Variants in TDRD3 observed in about 807,000 individuals in gnomAD.
The protein encoded by TDRD3 is tudor domain containing 3.
A neutral mutation model predicts 86.7 loss-of-function variants in TDRD3; 45 were observed. The ratio of observed to expected loss-of-function variants is 0.52; its 90% CI spans 0.41 to 0.67. The LOEUF (loss-of-function observed/expected upper bound fraction) is 0.67, where lower values mean the gene tolerates loss of function less well. Ranked by LOEUF, TDRD3 falls within the 30% of genes least tolerant of loss-of-function variation. The pLI is 0.00. For synonymous variants in TDRD3, 298 were observed against 301.7 expected (o/e 0.99, Z 0.13); for missense variants, 814 against 889.0 (o/e 0.92, Z 1.07).
chr13:60,396,027 C>A (rs1251628879), upstream of TDRD3, among the ~76,000 whole-genome samples: 1 of 152,132 alleles, frequency 6.6e-6, no homozygotes, highest in Admixed American at 6.5e-5. Flanking sequence ...TGAGAAAAAT[C>A]TGTATTAAGG....
intron 8 of TDRD3, among the ~76,000 whole-genome samples, chr13:60,505,802 T>A (rs2137630915): frequency 6.6e-6 from 1 of 151,860 alleles, no homozygotes; most frequent in East Asian, 1.9e-4. Context: ...ATCAACTTAA[T>A]GAAATAAAGT....
intron 1 of TDRD3, among the ~76,000 whole-genome samples, chr13:60,423,692 T>C (rs1275598696): frequency 6.6e-6 from 1 of 152,096 alleles, no homozygotes; most frequent in African/African-American, 2.4e-5. Context: ...AAAAAGTATT[T>C]TAAAAAATTG....
chr13:60,463,686 A>G (rs888765531), intron 4 of TDRD3, among the ~76,000 whole-genome samples: 11 of 152,186 alleles, frequency 7.2e-5, no homozygotes, highest in African/African-American at 2.7e-4. Flanking sequence ...AAAAAATCCA[A>G]TTAAAAATTG....
chr13:60,433,798 G>A (rs571203544), intron 1 of TDRD3, among the ~76,000 whole-genome samples: 33 of 152,332 alleles, frequency 2.2e-4, no homozygotes, highest in African/African-American at 7.7e-4. Flanking sequence ...TCAGTCAGCT[G>A]ATGTGTAGTT....
chr13:60,495,040 G>A (rs1354144029), intron 8 of TDRD3, among the ~76,000 whole-genome samples: 5 of 152,074 alleles, frequency 3.3e-5, no homozygotes, highest in Admixed American at 3.3e-4. Context: ...CATATTTCTG[G>A]CATGCTGTAG....
intron 5 of TDRD3, among the ~76,000 whole-genome samples, chr13:60,471,606 A>C (rs1377547305): frequency 6.6e-6 from 1 of 151,998 alleles, no homozygotes; most frequent in Non-Finnish European, 1.5e-5. Context: ...CTCAGTATTG[A>C]TATCTTAACA....
chr13:60,526,254 C>A lies in TDRD3; in HGVS notation c.1142-2113C>A, dbSNP rs547642914. 2.2e-4 allele frequency among the ~76,000 whole-genome samples: 33 copies of A among 152,294 alleles called. 1 individual carries two copies. The South Asian group carries it at 6.8e-3, about 32-fold the overall frequency. ...CTATACAAGGGACCTTAGTTTACCT[C>A]TCTCTGTTAAGCCTCATAACACCTG... On this transcript the variant is annotated intron_variant, in intron 10 of 13. Coordinates refer to ENST00000377881, the MANE Select transcript of TDRD3 (RefSeq NM_001146070.2).
intron 1 of TDRD3, among the ~76,000 whole-genome samples, chr13:60,436,211 C>G (rs1283082712): frequency 2.0e-5 from 3 of 150,396 alleles, no homozygotes; most frequent in Non-Finnish European, 4.4e-5. Flanking sequence ...TGTGGGTTGT[C>G]TGTTTACTCT....
intron 5 of TDRD3, among the ~76,000 whole-genome samples, chr13:60,481,204 T>C (rs1398694455): frequency 2.6e-5 from 4 of 152,198 alleles, no homozygotes; most frequent in African/African-American, 7.2e-5. Context: ...TTAATTATGA[T>C]GTACCTAACA....
rs111251861 is a variant in TDRD3 at position 60,460,743 on chromosome 13, G to T, written c.353+203G>T. Reference sequence around the variant, plus strand: ...TATATGGCCAGGCGTGGTGGCTCAAGCCTGTAATCCCAGCACTTTGGGAGG... The same window carrying T: ...TATATGGCCAGGCGTGGTGGCTCAATCCTGTAATCCCAGCACTTTGGGAGG... On this transcript the variant is annotated intron_variant, in intron 4 of 13. Transcript: ENST00000377881. The T allele has an allele frequency of 9.1e-5, 38 of 418,024 alleles. 2 individuals are homozygous for T. Among genetic ancestry groups the T allele is most frequent in the African/African-American group, 6.8e-4 (32 of 47,202 alleles). 25.9% of individuals were successfully genotyped at this position (418,024 alleles called of 1,614,324 possible). A position where few individuals can be genotyped will look rare whatever the true frequency, so the allele number is the denominator to read the frequency against.
intron 4 of TDRD3, among the ~76,000 whole-genome samples, chr13:60,462,359 C>T (rs138268747): frequency 6.6e-6 from 1 of 152,300 alleles, no homozygotes; most frequent in East Asian, 1.9e-4. Context: ...ACTGTCATCC[C>T]TTGTTGAATT....
In TDRD3 at chr13:60,510,667, T is replaced by A; in HGVS notation, c.1053T>A (p.Asp351Glu). 1.9e-6 allele frequency: 3 copies of A among 1,605,108 alleles called. No individual in the cohort carries two copies. The highest frequency in any genetic ancestry group is 2.6e-6 in the Non-Finnish European group (3 of 1,175,762). Residue 351 changes from aspartate to glutamate, a missense_variant, in exon 10 of 14, where the codon GAT becomes GAA. Transcript: ENST00000377881. Reference protein sequence around the residue: ...GKGRGRIRSEDEEDLGNARPS... With the variant: ...GKGRGRIRSEEEEDLGNARPS... Reference sequence around the variant, plus strand: ...GCAGGGGGCGAATAAGATCTGAAGATGAAGAGGACCTGGGAAATGCAAGGC... The same window carrying A: ...GCAGGGGGCGAATAAGATCTGAAGAAGAAGAGGACCTGGGAAATGCAAGGC...
chr13:60,535,786 C>G (rs1173800368), intron 12 of TDRD3: 1 of 152,094 alleles, frequency 6.6e-6, no homozygotes, highest in Non-Finnish European at 1.5e-5. Context: ...TATGTCAAAG[C>G]TGTGTGATAA....
At chr13:60,445,508 T>C (rs1676359581) in intron 3 of TDRD3, among the ~76,000 whole-genome samples, 2 of 152,168 alleles carry the variant, frequency 1.3e-5, no homozygotes, top group South Asian at 4.1e-4. Flanking sequence ...CATTTCTTTT[T>C]CTTTTGGTTA....
Position 60,485,825 on chromosome 13 carries a change from T to C in TDRD3, c.594T>C (p.Asp198=). Residue 198 remains aspartate (D), a synonymous_variant, in exon 7 of 14, where the codon GAT becomes GAC. Transcript: ENST00000377881. ...GQKCVSHVQV[D]SRELDRRKTL... ...AGTGTGTATCTCATGTCCAAGTGGA[T>C]AGCAGAGAACTTGATCGAAGAAAAA... is the stretch of plus-strand genomic sequence containing the variant. 6.2e-7 allele frequency: 1 copy of C among 1,606,826 alleles called. No individual in the cohort carries two copies. Among genetic ancestry groups the C allele is most frequent in the Non-Finnish European group, 8.5e-7 (1 of 1,176,960 alleles).
At chr13:60,420,830 G>A (rs1426549587) in intron 1 of TDRD3, among the ~76,000 whole-genome samples, 1 of 152,146 alleles carries the variant, frequency 6.6e-6, no homozygotes, top group Non-Finnish European at 1.5e-5. Flanking sequence ...TGTAGTCCCA[G>A]CTACTCGGGA....
chr13:60,443,025 G>A (rs775657514), intron 2 of TDRD3, among the ~76,000 whole-genome samples: 11 of 151,814 alleles, frequency 7.2e-5, no homozygotes, highest in Non-Finnish European at 1.3e-4. Context: ...AAATATTTCA[G>A]CTTTTGGGTG....
intron 12 of TDRD3, among the ~76,000 whole-genome samples, chr13:60,555,853 T>C (rs981550307): frequency 2.3e-5 from 3 of 129,912 alleles, no homozygotes; most frequent in Admixed American, 7.5e-5. Context: ...TATTTCTTTC[T>C]TTTTTTTTTT....
rs2137808096 is a variant in TDRD3 at position 60,405,543 on chromosome 13, A to G, written c.41+8138A>G. Among the ~76,000 whole-genome samples, 3 of 152,218 alleles carry G rather than the reference A, an allele frequency of 2.0e-5. No individual in the cohort carries two copies. In the Middle Eastern group the frequency reaches 0.01, roughly 518 times the overall value. ...CCTGAGATCTGGAGAATGAGTGGTA[A>G]CTGACTAAGTGAGGGGAGCACAGCA... On this transcript the variant is annotated intron_variant, in intron 1 of 13. Transcript: ENST00000377881.
Sources: gnomAD v4.1 joint callset for allele counts (sites outside exome capture counted in the v4.1 genomes callset) on GRCh38, gnomAD v4.1.1 for gene constraint, MANE v1.5 for transcripts, NCBI Gene and HGNC (gene_info 2026-07-23, HGNC 2026-07-21) for gene names.